CBR4: variants seen among roughly 807,000 people sequenced by gnomAD.
CBR4 encodes the protein 3-oxoacyl-[acyl-carrier-protein] reductase.
CBR4 carries 22 observed loss-of-function variants against 21.0 expected under a neutral mutation model. The ratio of observed to expected loss-of-function variants is 1.05; its 90% CI spans 0.75 to 1.50. The LOEUF is 1.50. CBR4 is among the 40% of genes most tolerant of loss of function. The pLI, the probability that CBR4 is intolerant of heterozygous loss-of-function variation, is 0.00. For synonymous variants in CBR4, 100 were observed against 104.4 expected, an observed-to-expected ratio of 0.96 and a Z score of 0.26; for missense variants, 302 against 286.3, an observed-to-expected ratio of 1.05 and a Z score of -0.40.
At chr4:169,002,254 T>G in intron 3 of CBR4, 49 bp from the exon 4 acceptor site, 1 of 1,350,986 alleles carries the variant, frequency 7.4e-7, no homozygotes, top group Non-Finnish European at 9.6e-7. Context: ...TAAATTCAAT[T>G]AATGGGGTTA....
At chr4:168,936,582 G>A (rs1763118322) in intron 2 of CBR4, among the ~76,000 whole-genome samples, 1 of 152,066 alleles carries the variant, frequency 6.6e-6, no homozygotes, top group Non-Finnish European at 1.5e-5. Context: ...GTTTAGAGAA[G>A]AACATAAATG....
intron 2 of CBR4, among the ~76,000 whole-genome samples, chr4:168,975,274 G>A (rs149366780): frequency 9.2e-5 from 14 of 152,232 alleles, no homozygotes; most frequent in Non-Finnish European, 1.6e-4. Flanking sequence ...AGGTCTCCCA[G>A]CCATGGATAC....
chr4:168,988,176 G>T lies in CBR4; in HGVS notation c.*1974C>A. ...TTAAATTACAAATTCTACTAGGTCA[G>T]TGGGAGTGGGCGGATTCACCTGGAG... On this transcript the variant is annotated 3_prime_UTR_variant, in exon 5 of 5. Transcript: ENST00000306193. 3.0e-6 allele frequency: 3 copies of T among 985,404 alleles called. No homozygotes were observed. The highest frequency in any genetic ancestry group is 3.6e-6 in the Non-Finnish European group (3 of 829,886). The allele number at this position is 985,404 out of a possible 1,614,324, so 61.0% of individuals were successfully genotyped here. A position where few individuals can be genotyped will look rare whatever the true frequency, so the allele number is the denominator to read the frequency against.
At chr4:168,917,926 C>T (rs1760539144) in intron 2 of CBR4, among the ~76,000 whole-genome samples, 1 of 152,050 alleles carries the variant, frequency 6.6e-6, no homozygotes, top group Non-Finnish European at 1.5e-5. Flanking sequence ...AGAGGCTGGG[C>T]ACAGTGGCAC....
intron 1 of CBR4, 45 bp from the exon 2 acceptor site, chr4:169,007,801 A>T: frequency 7.2e-7 from 1 of 1,383,888 alleles, no homozygotes; most frequent in East Asian, 2.5e-5. Context: ...CTCAAATTTT[A>T]AATTTACTCA....
intron 2 of CBR4, among the ~76,000 whole-genome samples, chr4:168,978,496 G>A (rs1764436868): frequency 6.6e-6 from 1 of 152,208 alleles, no homozygotes; most frequent in South Asian, 2.1e-4. Flanking sequence ...CTGCCCACCT[G>A]GGATTGGCAC....
At chr4:168,940,685 G>A (rs530516834) in intron 2 of CBR4, among the ~76,000 whole-genome samples, 79 of 152,154 alleles carry the variant, frequency 5.2e-4, no homozygotes, top group Non-Finnish European at 8.5e-4. Flanking sequence ...ATGTAAAAAA[G>A]CTCATCATCA....
intron 2 of CBR4, among the ~76,000 whole-genome samples, chr4:168,956,653 T>C (rs1763697945): frequency 7.1e-6 from 1 of 140,910 alleles, no homozygotes; most frequent in Non-Finnish European, 1.5e-5. Flanking sequence ...ATTTACTAAG[T>C]ACTTACTATA....
chr4:168,928,653 C>T (rs951229535), intron 2 of CBR4, among the ~76,000 whole-genome samples: 4 of 152,094 alleles, frequency 2.6e-5, no homozygotes, highest in African/African-American at 4.8e-5. Flanking sequence ...AGATCCTCTT[C>T]AAAATTCAAG....
chr4:168,985,126 A>G (rs1484411766), downstream of CBR4, among the ~76,000 whole-genome samples: 2 of 152,228 alleles, frequency 1.3e-5, no homozygotes, highest in South Asian at 2.1e-4. Flanking sequence ...ACAAAATGGG[A>G]GAATATATTT....
At chr4:169,004,670 G>A (rs1366758950) in intron 3 of CBR4, among the ~76,000 whole-genome samples, 1 of 152,102 alleles carries the variant, frequency 6.6e-6, no homozygotes, top group Non-Finnish European at 1.5e-5. Flanking sequence ...TTACATTCTT[G>A]ACATATTCGC....
chr4:169,000,210 T>C (rs1387188111), intron 4 of CBR4, among the ~76,000 whole-genome samples: 1 of 152,166 alleles, frequency 6.6e-6, no homozygotes, highest in Non-Finnish European at 1.5e-5. Context: ...TCAGCTTGCA[T>C]AAAGCATACA....
At chr4:168,939,783 A>G (rs1763212593) in intron 2 of CBR4, among the ~76,000 whole-genome samples, 1 of 152,212 alleles carries the variant, frequency 6.6e-6, no homozygotes, top group Non-Finnish European at 1.5e-5. Context: ...TCAACGAAAT[A>G]AGAGAGGACA....
chr4:168,921,407 A>C (rs1272085826), intron 2 of CBR4: 5 of 38,822 alleles, frequency 1.3e-4, no homozygotes, highest in South Asian at 1.0e-3. Context: ...AACTCTGTCC[A>C]AAAAAAAAAA....
chr4:168,973,730 T>A (rs1159542575), intron 2 of CBR4, among the ~76,000 whole-genome samples: 1 of 152,262 alleles, frequency 6.6e-6, no homozygotes, highest in Admixed American at 6.5e-5. Flanking sequence ...CGCTACTTGT[T>A]ATCGGTCTGT....
intron 2 of CBR4, among the ~76,000 whole-genome samples, chr4:168,974,750 T>C (rs1043064825): frequency 1.3e-5 from 2 of 152,188 alleles, no homozygotes; most frequent in Non-Finnish European, 2.9e-5. Flanking sequence ...CATTTCCAGA[T>C]TATGATTGTC....
At chr4:168,948,432 T>A (rs1345015119) in intron 2 of CBR4, among the ~76,000 whole-genome samples, 1 of 152,224 alleles carries the variant, frequency 6.6e-6, no homozygotes, top group Non-Finnish European at 1.5e-5. Flanking sequence ...GGTCATGAAA[T>A]CCTTACCTAA....
At chr4:168,965,734 G>A (rs990757491) in intron 2 of CBR4, among the ~76,000 whole-genome samples, 14 of 152,174 alleles carry the variant, frequency 9.2e-5, no homozygotes, top group South Asian at 2.1e-4. Context: ...TCCTTACACC[G>A]TATACAAAAA....
chr4:168,937,010 GA>G, intron 2 of CBR4, among the ~76,000 whole-genome samples: 1 of 152,190 alleles, frequency 6.6e-6, no homozygotes. Context: ...AGAAATGAAG[GA>G]AAAAATGTTA....
Sources: allele counts gnomAD v4.1 joint callset (sites outside exome capture counted in the v4.1 genomes callset), GRCh38; gene constraint gnomAD v4.1.1; transcripts MANE v1.5; gene names NCBI Gene and HGNC (gene_info 2026-07-23, HGNC 2026-07-21).